SEC62: variants seen among roughly 807,000 people sequenced by gnomAD.
SEC62 encodes SEC62 preprotein translocation factor.
In SEC62, 10 loss-of-function variants were observed where a neutral mutation model predicts 47.5. That is an observed-to-expected ratio of 0.21 (90% CI 0.13 to 0.36). SEC62 has a LOEUF of 0.36. SEC62 is among the 10% of genes least tolerant of loss of function. SEC62 has a pLI of 1.00. For missense variants in SEC62, 327 were observed against 464.1 expected (o/e 0.70, Z 2.71); for synonymous variants, 136 against 150.5 (o/e 0.90, Z 0.71).
chr3:169,980,053 A>T (rs1235725051), intron 3 of SEC62, among the ~76,000 whole-genome samples: 1 of 152,196 alleles, frequency 6.6e-6, no homozygotes. Context: ...TTTTAAAACC[A>T]CTTACTCAAC....
At chr3:169,976,342 T>C (rs1420366238) in intron 2 of SEC62, among the ~76,000 whole-genome samples, 1 of 152,058 alleles carries the variant, frequency 6.6e-6, no homozygotes, top group African/African-American at 2.4e-5. Context: ...TACTCCAGCC[T>C]GGGTGACAGA....
rs1715347149 is a variant in SEC62 at position 169,995,238 on chromosome 3, GC to G, written c.*2176del. The G allele has an allele frequency of 2.0e-5, 3 of 152,204 alleles. No individual in the cohort carries two copies. The South Asian group carries it at 6.2e-4, about 32-fold the overall frequency. 9.4% of individuals were successfully genotyped at this position (152,204 alleles called of 1,614,324 possible). ...TTTGCTATGCTGCTGTAAGTAGAAA[GC>G]ATGAAGCTTTTTGATCATGTAGGGC... On this transcript the variant is annotated 3_prime_UTR_variant, in exon 8 of 8. Coordinates refer to ENST00000337002, the MANE Select transcript of SEC62 (RefSeq NM_003262.4).
chr3:169,978,590 G>C (rs1714898644), intron 3 of SEC62: 1 of 152,106 alleles, frequency 6.6e-6, no homozygotes, highest in African/African-American at 2.4e-5. Context: ...GCCAGGCGTG[G>C]TGGCATGCAC....
rs1455455051 is a variant in SEC62, at chr3:169,996,202, A to T, written c.*3139A>T. ...TGAATAACGAGGATCAACTGTACTTAACTATATTTTAAAGCTGTGACATTT... is the reference window on the plus strand; with the variant it reads ...TGAATAACGAGGATCAACTGTACTTTACTATATTTTAAAGCTGTGACATTT... On this transcript the variant is annotated 3_prime_UTR_variant, in exon 8 of 8. Coordinates refer to ENST00000337002, the MANE Select transcript of SEC62 (RefSeq NM_003262.4). 1 of 152,554 alleles carries T rather than the reference A, an allele frequency of 6.6e-6. No homozygotes were observed. The highest frequency in any genetic ancestry group is 2.4e-5 in the African/African-American group (1 of 41,462). The allele number at this position is 152,554 out of a possible 1,614,324, so 9.5% of individuals were successfully genotyped here. A position where few individuals can be genotyped will look rare whatever the true frequency, so the allele number is the denominator to read the frequency against.
intron 3 of SEC62, among the ~76,000 whole-genome samples, chr3:169,977,488 G>A (rs1349663368): frequency 6.6e-6 from 1 of 152,072 alleles, no homozygotes; most frequent in African/African-American, 2.4e-5. Context: ...GTTTGCTAAT[G>A]TAGTATTTCT....
chr3:169,987,806 C>T lies in SEC62; in HGVS notation c.611-434C>T, dbSNP rs538530970. 3.9e-5 allele frequency among the ~76,000 whole-genome samples: 6 copies of T among 152,296 alleles called. No individual in the cohort carries two copies. The South Asian group carries it at 1.0e-3, about 26-fold the overall frequency. On this transcript the variant is annotated intron_variant, in intron 6 of 7. Transcript: ENST00000337002. The stretch of plus-strand genomic sequence containing the variant: ...TTTCAGTCTGTGGATGTCAGAGCTC[C>T]ACCCCAGAAGAAGAATCTCCAGAGA...
intron 3 of SEC62, among the ~76,000 whole-genome samples, chr3:169,981,512 G>T (rs988655032): frequency 3.9e-5 from 6 of 152,196 alleles, no homozygotes; most frequent in Admixed American, 1.3e-4. Context: ...CCATTAGCAG[G>T]CACCAGTGGT....
Position 169,983,178 on chromosome 3 carries a change from T to G in SEC62, c.474T>G (p.Thr158=). The G allele has an allele frequency of 6.2e-7, 1 of 1,610,958 alleles. No individual in the cohort carries two copies. The highest frequency in any genetic ancestry group is 8.5e-7 in the Non-Finnish European group (1 of 1,178,296). Residue 158 remains threonine (T), a synonymous_variant, in exon 5 of 8, where the codon ACT becomes ACG. Coordinates refer to ENST00000337002, the MANE Select transcript of SEC62 (RefSeq NM_003262.4). ...EESKKEETPG[T]PKKKETKKKF... is the part of the protein sequence containing the mutation. ...TTTCATAGGAGGAAACTCCAGGAAC[T>G]CCTAAAAAGAAGGAAACTAAGAAAA...
At chr3:169,978,331 A>T (rs774380816) in intron 3 of SEC62, among the ~76,000 whole-genome samples, 12 of 152,116 alleles carry the variant, frequency 7.9e-5, no homozygotes, top group Non-Finnish European at 1.6e-4. Context: ...CTTTTGTAGC[A>T]ACTTGTCTAG....
At position 169,975,646 on chromosome 3, in the gene SEC62, C is replaced by G. The variant is rs9290379; in HGVS notation, c.75C>G (p.Ala25=). ...GEPSKEEKAV[A]KYLRFNCPTK... ...CATCTAAAGAAGAGAAGGCTGTGGC[C>G]AAGTATCTTCGATTCAACTGTCCAA... Residue 25 remains alanine (A), a synonymous_variant, in exon 2 of 8, where the codon GCC becomes GCG. Transcript: ENST00000337002. 5.4e-3 allele frequency: 8,717 copies of G among 1,613,578 alleles called. 442 individuals are homozygous for G. In the African/African-American group the frequency reaches 0.1, roughly 19 times the overall value.
At position 169,997,456 on chromosome 3, in the gene SEC62, T is replaced by TG. The variant is rs1715407084; in HGVS notation, c.*4396dup. ...TTGTGTCATGGACTCCTCAGAATAA[T>TG]GGGTTTTTTTTGTTTGTTTGTTTGT... On this transcript the variant is annotated 3_prime_UTR_variant, in exon 8 of 8. Transcript: ENST00000337002. 6.6e-6 allele frequency: 1 copy of TG among 151,172 alleles called. No individual in the cohort carries two copies. The highest frequency in any genetic ancestry group is 2.5e-5 in the African/African-American group (1 of 40,476). 9.4% of individuals were successfully genotyped at this position (151,172 alleles called of 1,614,324 possible). A position where few individuals can be genotyped will look rare whatever the true frequency, so the allele number is the denominator to read the frequency against.
At position 169,985,040 on chromosome 3, in the gene SEC62, G is replaced by C. The variant is rs577648815; in HGVS notation, c.550-765G>C. 5.3e-5 allele frequency: 8 copies of C among 152,140 alleles called. No homozygotes were observed. In the South Asian group the frequency reaches 6.2e-4, roughly 12 times the overall value. The allele number at this position is 152,140 out of a possible 1,614,324, so 9.4% of individuals were successfully genotyped here. On this transcript the variant is annotated intron_variant, in intron 5 of 7. Transcript: ENST00000337002. ...CAGTCATAGAGACTATGTTCACCAA[G>C]CATGATCTTTAATAATTGATCTTTG...
Position 169,992,295 on chromosome 3 carries a change from G to A in SEC62, c.731-299G>A, listed in dbSNP as rs1003229532. Among the ~76,000 whole-genome samples, 1 of 152,084 alleles carries A rather than the reference G, an allele frequency of 6.6e-6. No individual in the cohort carries two copies. Among genetic ancestry groups the A allele is most frequent in the Non-Finnish European group, 1.5e-5 (1 of 68,022 alleles). The stretch of plus-strand genomic sequence containing the variant: ...GACCTCAAGTTCAGAGCAACATTCT[G>A]TGCCCCTAGAATACCGTGATAGCTG... On this transcript the variant is annotated intron_variant, in intron 7 of 7. Transcript: ENST00000337002. This position sits in a 1 kb window ranked among gnomAD's most constrained non-coding sequence, Gnocchi z 4.0.
chr3:169,978,880 G>C (rs1714906298), intron 3 of SEC62, among the ~76,000 whole-genome samples: 1 of 152,216 alleles, frequency 6.6e-6, no homozygotes, highest in Non-Finnish European at 1.5e-5. Flanking sequence ...GCAAGTGGCA[G>C]ATCTAGGGTT....
chr3:169,979,729 T>G (rs1221008286), intron 3 of SEC62, among the ~76,000 whole-genome samples: 1 of 152,210 alleles, frequency 6.6e-6, no homozygotes, highest in African/African-American at 2.4e-5. Flanking sequence ...CCTTTGTATC[T>G]AAAGTTCTAC....
intron 7 of SEC62, 47 bp downstream of exon 7, chr3:169,988,406 G>A: frequency 1.3e-6 from 2 of 1,597,098 alleles, no homozygotes; most frequent in Non-Finnish European, 1.7e-6. Flanking sequence ...TTGGTATTGA[G>A]CAGTTGGACT....
chr3:169,992,571 T>G lies in SEC62; in HGVS notation c.731-23T>G, dbSNP rs757181830. The G allele has an allele frequency of 6.4e-7, 1 of 1,553,162 alleles. No individual in the cohort carries two copies. Among genetic ancestry groups the G allele is most frequent in the African/African-American group, 1.4e-5 (1 of 72,688 alleles). The stretch of plus-strand genomic sequence containing the variant: ...TGAGGCAGTGTTTGAATTACTCAAT[T>G]AGAGAAATTTTTCTCCCCACAGCTC... On this transcript the variant is annotated intron_variant, in intron 7 of 7. Coordinates refer to ENST00000337002, the MANE Select transcript of SEC62 (RefSeq NM_003262.4). The surrounding 1 kb of genome is among the most constrained non-coding windows in gnomAD (Gnocchi z 4.0).
chr3:169,980,585 C>G (rs1207702579), intron 3 of SEC62, among the ~76,000 whole-genome samples: 1 of 152,152 alleles, frequency 6.6e-6, no homozygotes, highest in Non-Finnish European at 1.5e-5. Context: ...GTTCTATTGC[C>G]TTCAGTATCT....
In SEC62 at chr3:169,992,844, A is replaced by C; in HGVS notation, c.981A>C (p.Pro327=). ...KKEDEEGKVG[P]GNHGTEGSGG... ...AAGATGAGGAGGGGAAAGTAGGACCAGGAAATCATGGAACAGAAGGCTCGG... is the reference window on the plus strand; with the variant it reads ...AAGATGAGGAGGGGAAAGTAGGACCCGGAAATCATGGAACAGAAGGCTCGG... The change falls in exon 8 of 8, where the codon CCA becomes CCC. Residue 327 remains proline, a synonymous_variant. Coordinates refer to ENST00000337002, the MANE Select transcript of SEC62 (RefSeq NM_003262.4). This position sits in a 1 kb window ranked among gnomAD's most constrained non-coding sequence, Gnocchi z 4.0. 1 of 1,614,104 alleles carries C rather than the reference A, an allele frequency of 6.2e-7. No individual in the cohort carries two copies. Among genetic ancestry groups the C allele is most frequent in the East Asian group, 2.2e-5 (1 of 44,880 alleles).
Sources: allele counts gnomAD v4.1 joint callset (sites outside exome capture counted in the v4.1 genomes callset), GRCh38; gene constraint gnomAD v4.1.1; non-coding constraint Gnocchi (gnomAD v3.1); transcripts MANE v1.5; gene names NCBI Gene and HGNC (gene_info 2026-07-23, HGNC 2026-07-21).